The following MAPK6 variants were observed in gnomAD, a reference collection of about 807,000 sequenced individuals.
MAPK6 encodes ERK-3.
In MAPK6, 19 loss-of-function variants were observed where a neutral mutation model predicts 59.3. The ratio of observed to expected loss-of-function variants is 0.32; its 90% CI spans 0.22 to 0.47. MAPK6 has a LOEUF of 0.47. Ranked by LOEUF, MAPK6 falls within the 20% of genes least tolerant of loss-of-function variation. The pLI is 1.00. For synonymous variants in MAPK6, 316 were observed against 290.3 expected (o/e 1.09, Z -0.90); for missense variants, 724 against 847.9 (o/e 0.85, Z 1.81).
intron 3 of MAPK6, among the ~76,000 whole-genome samples, chr15:52,053,134 G>A (rs146649831): frequency 2.1e-5 from 3 of 143,586 alleles, no homozygotes; most frequent in Admixed American, 7.2e-5. Flanking sequence ...ATGCAGTGGT[G>A]TGATCTTGGC....
chr15:51,991,148 T>TATACACAC (rs1222826559), intron 2 of MAPK6, among the ~76,000 whole-genome samples: 10 of 140,638 alleles, frequency 7.1e-5, no homozygotes, highest in Non-Finnish European at 1.2e-4. Context: ...TATATATATA[T>TATACACAC]ACACACACAC....
At chr15:52,037,146 A>G (rs2031269733) in intron 1 of MAPK6, among the ~76,000 whole-genome samples, 1 of 151,928 alleles carries the variant, frequency 6.6e-6, no homozygotes, top group South Asian at 2.1e-4. Context: ...AAAGAAAAAG[A>G]AAAAAAAGTT....
chr15:51,996,984 T>A (rs1273837252), intron 2 of MAPK6, among the ~76,000 whole-genome samples: 2 of 143,018 alleles, frequency 1.4e-5, no homozygotes, highest in African/African-American at 2.6e-5. Flanking sequence ...TGCCAGGAAA[T>A]TTTTTTTTTT....
chr15:52,052,581 G>C (rs2141101176), intron 3 of MAPK6, among the ~76,000 whole-genome samples: 1 of 151,784 alleles, frequency 6.6e-6, no homozygotes, highest in East Asian at 1.9e-4. Context: ...CTTTCCCCCA[G>C]CCCCTGGCAT....
intron 5 of MAPK6, among the ~76,000 whole-genome samples, chr15:52,063,383 A>G (rs2032281017): frequency 6.6e-6 from 1 of 152,148 alleles, no homozygotes; most frequent in Non-Finnish European, 1.5e-5. Flanking sequence ...TATTTTACCT[A>G]GCTAAGTTAT....
chr15:52,018,188 C>T (rs2030333752), upstream of MAPK6, among the ~76,000 whole-genome samples: 1 of 151,754 alleles, frequency 6.6e-6, no homozygotes, highest in Non-Finnish European at 1.5e-5. Flanking sequence ...CCACCACACC[C>T]GGCTACTTTT....
rs1406675778 is a variant in MAPK6 at position 52,054,745 on chromosome 15, CACACATATACACAT to C, written c.701-3884_701-3871del. ...ATATATCTATACACACACACACACA[CACACATATACACAT>C]ACATAGATACACACATACATATATA... On this transcript the variant is annotated intron_variant, in intron 3 of 5. Coordinates refer to ENST00000261845, the MANE Select transcript of MAPK6 (RefSeq NM_002748.4). Among the ~76,000 whole-genome samples the C allele has an allele frequency of 2.7e-3, 390 of 141,894 alleles. 6 individuals are homozygous for C. The highest frequency in any genetic ancestry group is 0.011 in the African/African-American group (374 of 35,346). The allele number at this position is 141,894 out of a possible 152,430, so 93.1% of individuals were successfully genotyped here.
chr15:52,002,156 T>C (rs1342040638), intron 2 of MAPK6, among the ~76,000 whole-genome samples: 3 of 152,216 alleles, frequency 2.0e-5, no homozygotes, highest in African/African-American at 4.8e-5. Flanking sequence ...TGGTTTCTTT[T>C]CCTAGAGCTT....
exon 1 of MAPK6, chr15:51,971,887 G>A: frequency 1.2e-6 from 1 of 843,770 alleles, no homozygotes. Flanking sequence ...CGCTCGCCCA[G>A]TGAACCTGTT....
chr15:51,999,186 CAG>C (rs1352328977), intron 2 of MAPK6, among the ~76,000 whole-genome samples: 2 of 151,448 alleles, frequency 1.3e-5, no homozygotes, highest in Admixed American at 6.6e-5. Context: ...TTAGTAGAGA[CAG>C]AGTTTCACCA....
At chr15:52,011,826 C>T (rs1036046792) in intron 3 of MAPK6, among the ~76,000 whole-genome samples, 1 of 152,344 alleles carries the variant, frequency 6.6e-6, no homozygotes, top group East Asian at 1.9e-4. Context: ...AATCAAATTA[C>T]AACGTGTTCT....
rs547323406 is a variant in MAPK6 at position 51,979,923 on chromosome 15, G to A, written c.-879-3283G>A. Among the ~76,000 whole-genome samples, 13 of 152,028 alleles carry A rather than the reference G, an allele frequency of 8.6e-5. No homozygotes were observed. In the South Asian group the frequency reaches 2.7e-3, roughly 32 times the overall value. ...TCCAAGAGAAGGAGCTAGAAAACTG[G>A]AGGAGAGAAGAGAAACATTACTTTA... On this transcript the variant is annotated intron_variant, in intron 1 of 7. Coordinates refer to the MAPK6 transcript ENST00000691380.
In MAPK6 at chr15:52,046,807, C is replaced by A; in HGVS notation, c.347C>A (p.Ala116Asp). 1 of 1,613,726 alleles carries A rather than the reference C, an allele frequency of 6.2e-7. No homozygotes were observed. Among genetic ancestry groups the A allele is most frequent in the Non-Finnish European group, 8.5e-7 (1 of 1,179,786 alleles). The stretch of plus-strand genomic sequence containing the variant: ...CAGGAGTACATGGAGACAGACTTGG[C>A]TAATGTGCTGGAGCAGGGCCCTTTA... The part of the protein sequence containing the change: ...IVQEYMETDL[A>D]NVLEQGPLLE... Residue 116 changes from alanine (A) to aspartate (D), a missense_variant, in exon 2 of 6, where the codon GCT becomes GAT. Ala to Asp is a moderately radical substitution (Grantham distance 126). Coordinates refer to ENST00000261845, the MANE Select transcript of MAPK6 (RefSeq NM_002748.4).
At chr15:51,972,181 C>T (rs2057131972) in intron 1 of MAPK6, among the ~76,000 whole-genome samples, 1 of 152,176 alleles carries the variant, frequency 6.6e-6, no homozygotes, top group East Asian at 1.9e-4. Flanking sequence ...CTCAGTCGCC[C>T]AGGCTGGAGT....
At position 52,030,833 on chromosome 15, in the gene MAPK6, C is replaced by T. The variant is rs569491554; in HGVS notation, c.-632+11457C>T. ...TTGAGACAGGCTCTCAGTCTGTTAC[C>T]CAGGCTGGAATGCAGTGGCGTGATC... is the stretch of plus-strand genomic sequence containing the variant. On this transcript the variant is annotated intron_variant, in intron 1 of 5. Coordinates refer to ENST00000261845, the MANE Select transcript of MAPK6 (RefSeq NM_002748.4). 8.0e-5 allele frequency among the ~76,000 whole-genome samples: 12 copies of T among 149,882 alleles called. 1 individual carries two copies. In the South Asian group the frequency reaches 2.6e-3, roughly 32 times the overall value.
chr15:52,028,506 C>T (rs1310818787), intron 1 of MAPK6, among the ~76,000 whole-genome samples: 1 of 152,104 alleles, frequency 6.6e-6, no homozygotes, highest in Non-Finnish European at 1.5e-5. Flanking sequence ...AGTATGGTAG[C>T]TACTAATCAA....
At chr15:51,983,401 C>G (rs1024888933) in intron 2 of MAPK6, among the ~76,000 whole-genome samples, 1 of 152,062 alleles carries the variant, frequency 6.6e-6, no homozygotes, top group African/African-American at 2.4e-5. Flanking sequence ...ATCACTTGGA[C>G]CCAGGAGGCG....
At chr15:51,976,329 C>T (rs1164691358) in intron 1 of MAPK6, among the ~76,000 whole-genome samples, 1 of 148,994 alleles carries the variant, frequency 6.7e-6, no homozygotes, top group Admixed American at 6.7e-5. Context: ...AAATTGAAAG[C>T]CAGAAAATGA....
chr15:52,048,178 G>T (rs1313900174), intron 2 of MAPK6, among the ~76,000 whole-genome samples: 1 of 151,934 alleles, frequency 6.6e-6, no homozygotes, highest in South Asian at 2.1e-4. Context: ...AGACTGAGTT[G>T]TGCTCTTGTC....
Sources: gnomAD v4.1 joint callset for allele counts (sites outside exome capture counted in the v4.1 genomes callset) on GRCh38, gnomAD v4.1.1 for gene constraint, MANE v1.5 for transcripts, NCBI Gene and HGNC (gene_info 2026-07-23, HGNC 2026-07-21) for gene names.